The following DHRSX variants were observed in gnomAD, a reference collection of about 807,000 sequenced individuals.
The protein encoded by DHRSX is dehydrogenase/reductase X-linked.
In DHRSX, 31 loss-of-function variants were observed where a neutral mutation model predicts 34.0. The ratio of observed to expected loss-of-function variants is 0.91; its 90% CI spans 0.69 to 1.23. The LOEUF is 1.23. DHRSX is among the 50% of genes most tolerant of loss of function. The probability of loss-of-function intolerance (pLI) is 0.00; values close to 1 mark genes in which losing one functional copy is unlikely to be tolerated. For missense variants in DHRSX, 414 were observed against 428.1 expected (o/e 0.97, Z 0.29); for synonymous variants, 201 against 183.8 (o/e 1.09, Z -0.76).
chrX:2,361,025 G>T (rs1419115063), intron 3 of DHRSX, among the ~76,000 whole-genome samples: 4 of 152,088 alleles, frequency 2.6e-5, no homozygotes, highest in Admixed American at 2.6e-4. Flanking sequence ...AGCTCCTACT[G>T]GCTGCTACCT....
At chrX:2,349,955 C>T (rs1387003449) in intron 3 of DHRSX, among the ~76,000 whole-genome samples, 3 of 151,794 alleles carry the variant, frequency 2.0e-5, no homozygotes, top group South Asian at 4.2e-4. Context: ...AGGAGAATGG[C>T]GTGAACCTGG....
chrX:2,425,331 A>G, intron 1 of DHRSX, 27 bp from the exon 2 acceptor site: 1 of 1,580,642 alleles, frequency 6.3e-7, no homozygotes, highest in Admixed American at 1.7e-5. Context: ...GAAAATCATC[A>G]AACTAAGATT....
intron 4 of DHRSX, among the ~76,000 whole-genome samples, chrX:2,275,276 T>C (rs1168120849): frequency 1.3e-5 from 2 of 150,148 alleles, no homozygotes; most frequent in East Asian, 3.9e-4. Flanking sequence ...GGCAGGCGGA[T>C]GACCTGAGGT....
intron 3 of DHRSX, among the ~76,000 whole-genome samples, chrX:2,371,437 C>T (rs1176827423): frequency 1.3e-5 from 2 of 151,508 alleles, no homozygotes; most frequent in African/African-American, 2.4e-5. Context: ...TACCACAGAC[C>T]CTCCTTTCGT....
chrX:2,243,443 A>G (rs1195363209), intron 5 of DHRSX, among the ~76,000 whole-genome samples: 2 of 151,898 alleles, frequency 1.3e-5, no homozygotes, highest in East Asian at 1.9e-4. Flanking sequence ...CCTTAATTGT[A>G]TTGGGGTCAG....
At chrX:2,383,203 T>G (rs376467250) in intron 3 of DHRSX, among the ~76,000 whole-genome samples, 3 of 150,558 alleles carry the variant, frequency 2.0e-5, no homozygotes, top group African/African-American at 7.3e-5. Flanking sequence ...ACTATCACCA[T>G]CCTCATCACC....
At chrX:2,246,364 C>A (rs35391910) in intron 5 of DHRSX, among the ~76,000 whole-genome samples, 1 of 151,838 alleles carries the variant, frequency 6.6e-6, no homozygotes, top group African/African-American at 2.4e-5. Flanking sequence ...TGGCTCATGC[C>A]TGTAATCCCA....
chrX:2,462,074 T>G (rs1569503686), intron 1 of DHRSX, among the ~76,000 whole-genome samples: 3 of 151,842 alleles, frequency 2.0e-5, no homozygotes, highest in Admixed American at 2.0e-4. Flanking sequence ...ATTACTGAAT[T>G]ACAGTGACAA....
chrX:2,248,424 C>T (rs2016349273), intron 5 of DHRSX, among the ~76,000 whole-genome samples: 1 of 123,562 alleles, frequency 8.1e-6, no homozygotes, highest in Admixed American at 9.0e-5. Context: ...CAGAGCGAGA[C>T]TCTGTCTCAA....
At chrX:2,372,632 G>A (rs1376434960) in intron 3 of DHRSX, among the ~76,000 whole-genome samples, 1 of 150,558 alleles carries the variant, frequency 6.6e-6, no homozygotes, top group African/African-American at 2.4e-5. Context: ...TTTTGAGACG[G>A]AGTTTTCCTC....
chrX:2,463,689 ATGTC>A (rs1156443571), intron 1 of DHRSX, among the ~76,000 whole-genome samples: 6 of 152,178 alleles, frequency 3.9e-5, no homozygotes, highest in Admixed American at 2.0e-4. Flanking sequence ...TGGCTGGAGA[ATGTC>A]TGGGATGGTG....
intron 5 of DHRSX, among the ~76,000 whole-genome samples, chrX:2,248,432 C>CAAAAAAAA (rs574631590): frequency 1.4e-4 from 15 of 111,058 alleles, no homozygotes; most frequent in South Asian, 3.1e-4. Flanking sequence ...GACTCTGTCT[C>CAAAAAAAA]AAAAAAAAAA....
In DHRSX at chrX:2,466,710, T is replaced by C. The variant is rs1187281746; in HGVS notation, c.109+34107A>G. Among the ~76,000 whole-genome samples, 6 of 151,938 alleles carry C rather than the reference T, an allele frequency of 3.9e-5. No homozygotes were observed. The East Asian group carries it at 1.2e-3, about 29-fold the overall frequency. On this transcript the variant is annotated intron_variant, in intron 1 of 6. Coordinates refer to ENST00000334651, the MANE Select transcript of DHRSX (RefSeq NM_145177.3). The stretch of plus-strand genomic sequence containing the variant: ...TGGACTTATTACCTGCATGATGAAA[T>C]AATCTGTTCACTAAGCCCCCAAGAC...
chrX:2,342,632 G>A lies in DHRSX; in HGVS notation c.287-51029C>T, dbSNP rs965802146. Among the ~76,000 whole-genome samples, 76 of 152,092 alleles carry A rather than the reference G, an allele frequency of 5.0e-4. 1 individual carries two copies. The highest frequency in any genetic ancestry group is 1.4e-3 in the African/African-American group (57 of 41,410). ...TCCCGAGGTCTCCCTGAACACTCAC[G>A]GATGCCTGGGCTGGCCCAAGATGCA... is the stretch of plus-strand genomic sequence containing the variant. On this transcript the variant is annotated intron_variant, in intron 3 of 6. Transcript: ENST00000334651.
intron 3 of DHRSX, among the ~76,000 whole-genome samples, chrX:2,345,534 C>G (rs2042695604): frequency 6.6e-6 from 1 of 151,036 alleles, no homozygotes; most frequent in Admixed American, 6.6e-5. Context: ...ATAATCACAA[C>G]TACTCGGGAG....
Position 2,224,595 on chromosome X carries a change from C to T in DHRSX, c.805-3366G>A, listed in dbSNP as rs1189069373. ...GAAGTTCTATTGGATGATTTTTTTT[C>T]TGTAAGAAAAACACACGCACACACA... is the stretch of plus-strand genomic sequence containing the variant. On this transcript the variant is annotated intron_variant, in intron 6 of 6. Coordinates refer to ENST00000334651, the MANE Select transcript of DHRSX (RefSeq NM_145177.3). Among the ~76,000 whole-genome samples, 5 of 152,124 alleles carry T rather than the reference C, an allele frequency of 3.3e-5. No homozygotes were observed. In the East Asian group the frequency reaches 7.7e-4, roughly 23 times the overall value.
At chrX:2,479,608 A>G (rs1259352211) in intron 1 of DHRSX, among the ~76,000 whole-genome samples, 1 of 151,118 alleles carries the variant, frequency 6.6e-6, no homozygotes, top group Non-Finnish European at 1.5e-5. Flanking sequence ...TTCCCTAAGC[A>G]TGTGGCCCAA....
At chrX:2,411,017 T>G (rs778750949) in intron 2 of DHRSX, among the ~76,000 whole-genome samples, 1 of 152,106 alleles carries the variant, frequency 6.6e-6, no homozygotes, top group African/African-American at 2.4e-5. Flanking sequence ...TTCAGGGAGG[T>G]GGGTTTCGAC....
At chrX:2,468,106 A>G (rs6655009) in intron 1 of DHRSX, among the ~76,000 whole-genome samples, 27,921 of 151,908 alleles carry the variant, frequency 0.18, 3,507 homozygotes, top group African/African-American at 0.36. Context: ...AGTCTACACG[A>G]ATATAAAGAA....
Sources: gnomAD v4.1 joint callset for allele counts (sites outside exome capture counted in the v4.1 genomes callset) on GRCh38, gnomAD v4.1.1 for gene constraint, MANE v1.5 for transcripts, NCBI Gene and HGNC (gene_info 2026-07-23, HGNC 2026-07-21) for gene names.